The following CPNE4 variants were observed in gnomAD, a reference collection of about 807,000 sequenced individuals.
The protein encoded by CPNE4 is copine-4.
In CPNE4, 25 loss-of-function variants were observed where a neutral mutation model predicts 67.9. The ratio of observed to expected loss-of-function variants is 0.37; its 90% CI spans 0.27 to 0.51. CPNE4 has a LOEUF of 0.51. Ranked by LOEUF, CPNE4 falls within the 20% of genes least tolerant of loss-of-function variation. CPNE4 has a pLI of 0.93. For synonymous variants in CPNE4, 242 were observed against 244.9 expected (o/e 0.99, Z 0.11); for missense variants, 464 against 690.8 (o/e 0.67, Z 3.68).
intron 1 of CPNE4, among the ~76,000 whole-genome samples, chr3:131,940,015 C>A (rs1487070836): frequency 6.6e-6 from 1 of 152,016 alleles, no homozygotes; most frequent in African/African-American, 2.4e-5. Flanking sequence ...CATGTTTGTC[C>A]CCAAAATGTG....
At chr3:131,785,648 A>ACTCT (rs1300100117) in intron 2 of CPNE4, among the ~76,000 whole-genome samples, 1 of 132,198 alleles carries the variant, frequency 7.6e-6, no homozygotes, top group Non-Finnish European at 1.6e-5. Context: ...ATCTGCCAGC[A>ACTCT]CTCTCTCTCT....
intron 1 of CPNE4, among the ~76,000 whole-genome samples, chr3:132,019,546 G>T (rs541373130): frequency 3.0e-4 from 46 of 152,208 alleles, no homozygotes; most frequent in Middle Eastern, 3.4e-3. Context: ...TACAGGAATA[G>T]GAAAGGTTTA....
intron 3 of CPNE4, among the ~76,000 whole-genome samples, chr3:131,717,860 C>CCTTT: frequency 1.9e-3 from 1 of 524 alleles, no homozygotes; most frequent in African/African-American, 3.6e-3. Context: ...CTCGCTCCCT[C>CCTTT]CTTTCTTTCT....
chr3:131,793,728 C>T (rs1037441260), intron 2 of CPNE4, among the ~76,000 whole-genome samples: 15 of 152,184 alleles, frequency 9.9e-5, no homozygotes, highest in African/African-American at 3.6e-4. Flanking sequence ...TGGCTGGCTC[C>T]TTCTCATCAC....
rs1179927370 is a variant in CPNE4, at chr3:131,603,333, A to G, written c.682-15751T>C. Among the ~76,000 whole-genome samples, 5 of 152,328 alleles carry G rather than the reference A, an allele frequency of 3.3e-5. No individual in the cohort carries two copies. The East Asian group carries it at 7.7e-4, about 24-fold the overall frequency. ...TAAATCTTACAGTCTAGTGGTAAAA[A>G]TAGACATTAATTATACTTGGAAAAA... On this transcript the variant is annotated intron_variant, in intron 7 of 15. Transcript: ENST00000429747.
At chr3:131,655,987 G>C (rs1245401941) in intron 7 of CPNE4, among the ~76,000 whole-genome samples, 1 of 150,838 alleles carries the variant, frequency 6.6e-6, no homozygotes, top group Non-Finnish European at 1.5e-5. Context: ...CCTTTTCTAA[G>C]ATTTTAGGCC....
chr3:131,984,993 C>A (rs2073006828), intron 1 of CPNE4, among the ~76,000 whole-genome samples: 3 of 152,176 alleles, frequency 2.0e-5, no homozygotes, highest in Admixed American at 2.0e-4. Context: ...GCTGCTATGA[C>A]AAATTACCAT....
At chr3:131,888,143 A>C (rs1390196697) in intron 2 of CPNE4, among the ~76,000 whole-genome samples, 2 of 152,238 alleles carry the variant, frequency 1.3e-5, no homozygotes, top group Non-Finnish European at 2.9e-5. Context: ...CCATGAGCTT[A>C]ATAAAATGGT....
At chr3:131,812,187 A>G (rs1419443329) in intron 2 of CPNE4, among the ~76,000 whole-genome samples, 2 of 150,820 alleles carry the variant, frequency 1.3e-5, no homozygotes, top group African/African-American at 4.9e-5. Flanking sequence ...AAGAAGGAAT[A>G]GAGAAGGTGG....
rs1254584428 is a variant in CPNE4 at position 131,728,693 on chromosome 3, G to T, written c.181-5068C>A. ...TGGGAGGCCGAGGCGGGCGGATCAC[G>T]AGGTCAGGAGATGGAGACCATCCTG... On this transcript the variant is annotated intron_variant, in intron 2 of 15. Transcript: ENST00000429747. 2.0e-5 allele frequency among the ~76,000 whole-genome samples: 3 copies of T among 151,954 alleles called. No individual in the cohort carries two copies. In the South Asian group the frequency reaches 6.2e-4, roughly 32 times the overall value.
At chr3:131,619,053 C>A (rs1940322210) in intron 7 of CPNE4, among the ~76,000 whole-genome samples, 1 of 152,052 alleles carries the variant, frequency 6.6e-6, no homozygotes, top group Admixed American at 6.6e-5. Flanking sequence ...GGAAAATGAC[C>A]TGGTCAAGCA....
chr3:132,022,877 C>T (rs1583610912), intron 1 of CPNE4, among the ~76,000 whole-genome samples: 1 of 152,290 alleles, frequency 6.6e-6, no homozygotes, highest in East Asian at 1.9e-4. Flanking sequence ...ACTGCAGCAG[C>T]CCCCGTCATT....
chr3:131,824,672 T>G lies in CPNE4; in HGVS notation c.180+80592A>C, dbSNP rs183745048. Among the ~76,000 whole-genome samples the G allele has an allele frequency of 6.0e-4, 92 of 152,304 alleles. No homozygotes were observed. The East Asian group carries it at 0.014, about 22-fold the overall frequency. On this transcript the variant is annotated intron_variant, in intron 2 of 15. Transcript: ENST00000429747. ...TGTATAAATGAAAGCAGATTAAGCA[T>G]ATGAATCCTTTCAGGAGAAAAGTTA...
chr3:131,650,484 G>A (rs1010567226), intron 7 of CPNE4, among the ~76,000 whole-genome samples: 5 of 142,134 alleles, frequency 3.5e-5, no homozygotes, highest in East Asian at 3.9e-4. Flanking sequence ...GCGGCCGGGC[G>A]CGGTGGCTCA....
At chr3:131,940,115 C>T (rs76262555) in intron 1 of CPNE4, among the ~76,000 whole-genome samples, 22,992 of 152,056 alleles carry the variant, frequency 0.15, 2,265 homozygotes, top group East Asian at 0.31. Flanking sequence ...TTATGTTCAA[C>T]TGGCAAGTGT....
At chr3:131,850,716 T>C (rs1466336949) in intron 2 of CPNE4, among the ~76,000 whole-genome samples, 1 of 152,120 alleles carries the variant, frequency 6.6e-6, no homozygotes, top group Non-Finnish European at 1.5e-5. Context: ...AGTGAACTGA[T>C]AGTGGAGGAT....
intron 2 of CPNE4, among the ~76,000 whole-genome samples, chr3:131,801,440 G>GTA (rs2084119363): frequency 1.1e-5 from 1 of 91,502 alleles, no homozygotes. Flanking sequence ...GTGTGTGTGT[G>GTA]TGTGTGTGTG....
chr3:131,798,765 T>C (rs777285697), intron 2 of CPNE4, among the ~76,000 whole-genome samples: 6 of 152,168 alleles, frequency 3.9e-5, no homozygotes, highest in Non-Finnish European at 8.8e-5. Flanking sequence ...GATCAAATAA[T>C]CAGCTGAATT....
intron 2 of CPNE4, among the ~76,000 whole-genome samples, chr3:131,859,420 G>T (rs2086585001): frequency 6.6e-6 from 1 of 151,958 alleles, no homozygotes; most frequent in South Asian, 2.1e-4. Context: ...CTTCCTTTTG[G>T]CTACTTTTGC....
Sources: gnomAD v4.1 joint callset for allele counts (sites outside exome capture counted in the v4.1 genomes callset) on GRCh38, gnomAD v4.1.1 for gene constraint, MANE v1.5 for transcripts, NCBI Gene and HGNC (gene_info 2026-07-23, HGNC 2026-07-21) for gene names.